MMRN1: variants seen among roughly 807,000 people sequenced by gnomAD.
MMRN1 encodes multimerin 1, also known as multimerin-1.
In MMRN1, 94 loss-of-function variants were observed where a neutral mutation model predicts 100.7. That is an observed-to-expected ratio of 0.93 (90% confidence interval 0.79 to 1.11). The LOEUF is 1.11. Ranked by LOEUF, MMRN1 falls within the 50% of genes least tolerant of loss-of-function variation. The probability of loss-of-function intolerance (pLI) is 0.00; values close to 1 mark genes in which losing one functional copy is unlikely to be tolerated. For missense variants in MMRN1, 1,606 were observed against 1,439.1 expected, an observed-to-expected ratio of 1.12 and a Z score of -1.88; for synonymous variants, 575 against 505.0, an observed-to-expected ratio of 1.14 and a Z score of -1.86.
At chr4:89,900,057 A>T (rs1266276371) in intron 1 of MMRN1, among the ~76,000 whole-genome samples, 1 of 152,050 alleles carries the variant, frequency 6.6e-6, no homozygotes, top group Non-Finnish European at 1.5e-5. Context: ...GAATTTTTAG[A>T]TTTGTCTTTC....
In MMRN1 at chr4:89,935,059, G is replaced by A; in HGVS notation, c.1379G>A (p.Arg460Lys). 1 of 1,613,650 alleles carries A rather than the reference G, an allele frequency of 6.2e-7. No homozygotes were observed. The highest frequency in any genetic ancestry group is 2.2e-5 in the East Asian group (1 of 44,822). ...ACTTTGACTGATATAGTGGAACTAA[G>A]GAATCACATTGTGAATGTAAGGCAA... ...RPTLTDIVELRNHIVNVRQEM... is the reference protein window; with the variant it reads ...RPTLTDIVELKNHIVNVRQEM... Residue 460 changes from arginine (R) to lysine (K), a missense_variant, in exon 6 of 8, where the codon AGG (arginine) becomes AAG (lysine). Arg to Lys is a conservative substitution (Grantham distance 26). Transcript: ENST00000264790.
At chr4:89,920,075 C>A (rs999537868) in intron 3 of MMRN1, among the ~76,000 whole-genome samples, 2 of 152,112 alleles carry the variant, frequency 1.3e-5, no homozygotes, top group African/African-American at 2.4e-5. Flanking sequence ...CATCACATAT[C>A]CTACAAAATA....
chr4:89,943,878 A>T (rs1470305585), intron 6 of MMRN1, among the ~76,000 whole-genome samples: 2 of 151,942 alleles, frequency 1.3e-5, no homozygotes, highest in Non-Finnish European at 2.9e-5. Flanking sequence ...ACTACTAGGG[A>T]GGCTGAGGCA....
chr4:89,923,376 A>G, intron 4 of MMRN1, 104 bp downstream of exon 4: 1 of 1,009,296 alleles, frequency 9.9e-7, no homozygotes. Flanking sequence ...ATTGATGGTG[A>G]CACATTAGCA....
At chr4:89,890,235 T>A (rs79549984), upstream of MMRN1, among the ~76,000 whole-genome samples, 1 of 130,890 alleles carries the variant, frequency 7.6e-6, no homozygotes, top group African/African-American at 3.1e-5. Context: ...TTATTTTGCT[T>A]TTTTTTTTTT....
chr4:89,881,216 G>C (rs1720807913), intron 1 of MMRN1, among the ~76,000 whole-genome samples: 1 of 151,958 alleles, frequency 6.6e-6, no homozygotes, highest in South Asian at 2.1e-4. Flanking sequence ...ATTTTATTGG[G>C]GCATATGCTA....
chr4:89,953,471 A>T lies in MMRN1; in HGVS notation c.*53A>T. The T allele has an allele frequency of 6.7e-7, 1 of 1,492,920 alleles. No homozygotes were observed. Among genetic ancestry groups the T allele is most frequent in the Non-Finnish European group, 9.0e-7 (1 of 1,115,686 alleles). The allele number at this position is 1,492,920 out of a possible 1,614,324, so 92.5% of individuals were successfully genotyped here. A position where few individuals can be genotyped will look rare whatever the true frequency, so the allele number is the denominator to read the frequency against. On this transcript the variant is annotated 3_prime_UTR_variant, in exon 8 of 8. Transcript: ENST00000264790. Reference sequence around the variant, plus strand: ...TTATTGAGAAACAGCCAGTGTTTTCATTTATCTTTGCTTGCACATCTGCTC... The same window carrying T: ...TTATTGAGAAACAGCCAGTGTTTTCTTTTATCTTTGCTTGCACATCTGCTC...
intron 6 of MMRN1, among the ~76,000 whole-genome samples, chr4:89,944,305 A>G (rs1052790313): frequency 1.3e-5 from 2 of 152,218 alleles, no homozygotes; most frequent in African/African-American, 4.8e-5. Flanking sequence ...AAGCCCATGC[A>G]CATTTTGAAA....
In MMRN1 at chr4:89,935,022, G is replaced by C; in HGVS notation, c.1342G>C (p.Glu448Gln). Reference protein sequence around the residue: ...AAQQKFVLVQENRPTLTDIVE... With the variant: ...AAQQKFVLVQQNRPTLTDIVE... ...CCAGCAAAAGTTTGTTTTGGTGCAAGAGAATCGGCCCACTTTGACTGATAT... is the reference window on the plus strand; with the variant it reads ...CCAGCAAAAGTTTGTTTTGGTGCAACAGAATCGGCCCACTTTGACTGATAT... Residue 448 changes from glutamate (E) to glutamine (Q), a missense_variant, in exon 6 of 8, where the codon GAG becomes CAG. Coordinates refer to ENST00000264790, the MANE Select transcript of MMRN1 (RefSeq NM_007351.3). 1 of 1,613,010 alleles carries C rather than the reference G, an allele frequency of 6.2e-7. No homozygotes were observed. Among genetic ancestry groups the C allele is most frequent in the Non-Finnish European group, 8.5e-7 (1 of 1,179,596 alleles).
At chr4:89,933,379 C>G (rs749408309) in intron 5 of MMRN1, among the ~76,000 whole-genome samples, 2 of 152,154 alleles carry the variant, frequency 1.3e-5, no homozygotes, top group Non-Finnish European at 2.9e-5. Flanking sequence ...TGCCCGTTAC[C>G]CAGTTCCAAA....
intron 5 of MMRN1, among the ~76,000 whole-genome samples, chr4:89,931,571 A>C (rs1578491560): frequency 6.6e-6 from 1 of 152,126 alleles, no homozygotes; most frequent in South Asian, 2.1e-4. Context: ...AGACAGGGTA[A>C]TTTATATAGA....
chr4:89,917,591 C>G (rs1379994765), intron 3 of MMRN1, among the ~76,000 whole-genome samples: 1 of 151,920 alleles, frequency 6.6e-6, no homozygotes, highest in East Asian at 1.9e-4. Flanking sequence ...TCATATCATT[C>G]TAATAATTTC....
At chr4:89,889,163 C>A (rs752951104) in intron 1 of MMRN1, among the ~76,000 whole-genome samples, 4 of 152,120 alleles carry the variant, frequency 2.6e-5, no homozygotes, top group Non-Finnish European at 2.9e-5. Context: ...TTTTAACTCA[C>A]CACGCTCTTA....
upstream of MMRN1, among the ~76,000 whole-genome samples, chr4:89,893,670 A>G (rs1721105047): frequency 6.6e-6 from 1 of 152,160 alleles, no homozygotes; most frequent in Admixed American, 6.6e-5. Flanking sequence ...AAATAACATA[A>G]CAGACATTTA....
chr4:89,883,192 C>CTGT (rs1428011787), intron 1 of MMRN1, among the ~76,000 whole-genome samples: 1 of 152,026 alleles, frequency 6.6e-6, no homozygotes, highest in Non-Finnish European at 1.5e-5. Flanking sequence ...TATATTTGGG[C>CTGT]TGTTACGAAT....
At chr4:89,939,053 G>A (rs1187671843) in intron 6 of MMRN1, among the ~76,000 whole-genome samples, 1 of 152,068 alleles carries the variant, frequency 6.6e-6, no homozygotes, top group East Asian at 1.9e-4. Context: ...CAGCTCAGCA[G>A]GCAAGGTCTA....
At chr4:89,952,321 C>T (rs1186825471) in intron 7 of MMRN1, among the ~76,000 whole-genome samples, 1 of 152,006 alleles carries the variant, frequency 6.6e-6, no homozygotes, top group Non-Finnish European at 1.5e-5. Flanking sequence ...AGGAGTGCAC[C>T]ATTTCTGATT....
Position 89,936,159 on chromosome 4 carries a change from T to C in MMRN1, c.2479T>C (p.Phe827Leu). ...CAACTTCCAAAAGATGTATCAAATG[T>C]TCAATGAAACCACTTCCCAAGTGAG... ...QSNFQKMYQMFNETTSQVRKY... is the reference protein window; with the variant it reads ...QSNFQKMYQMLNETTSQVRKY... Residue 827 changes from phenylalanine (F) to leucine (L), a missense_variant, in exon 6 of 8, where the codon TTC (phenylalanine) becomes CTC (leucine). By Grantham distance (22) the Phe-to-Leu change is conservative. Transcript: ENST00000264790. 1 of 1,612,528 alleles carries C rather than the reference T, an allele frequency of 6.2e-7. No individual in the cohort carries two copies. The highest frequency in any genetic ancestry group is 2.2e-5 in the East Asian group (1 of 44,780).
chr4:89,896,641 A>C (rs940763271), intron 1 of MMRN1, among the ~76,000 whole-genome samples: 2 of 152,166 alleles, frequency 1.3e-5, no homozygotes, highest in Admixed American at 6.6e-5. Flanking sequence ...TATCTTACTA[A>C]TAATAAAATA....
Sources: gnomAD v4.1 joint callset for allele counts (sites outside exome capture counted in the v4.1 genomes callset) on GRCh38, gnomAD v4.1.1 for gene constraint, MANE v1.5 for transcripts, NCBI Gene and HGNC (gene_info 2026-07-23, HGNC 2026-07-21) for gene names.